Variants in DCDC1 observed in about 807,000 individuals in gnomAD.
DCDC1 encodes the protein doublecortin domain-containing protein 1.
DCDC1 carries 200 observed loss-of-function variants against 178.3 expected under a neutral mutation model. The observed-to-expected ratio is 1.12, with a 90% confidence interval of 1.00 to 1.26. DCDC1 has a LOEUF of 1.26. DCDC1 is among the 50% of genes most tolerant of loss of function. The pLI, the probability that DCDC1 is intolerant of heterozygous loss-of-function variation, is 0.00. For synonymous variants in DCDC1, 690 were observed against 604.8 expected, an observed-to-expected ratio of 1.14 and a Z score of -2.07; for missense variants, 1,983 against 1,749.2, an observed-to-expected ratio of 1.13 and a Z score of -2.38.
intron 10 of DCDC1, among the ~76,000 whole-genome samples, chr11:31,136,880 C>T (rs893283462): frequency 3.3e-5 from 5 of 152,142 alleles, no homozygotes; most frequent in African/African-American, 1.2e-4. Context: ...TATTGTTCCT[C>T]ATTACAATAT....
chr11:31,169,564 C>T (rs1966960415), intron 9 of DCDC1, among the ~76,000 whole-genome samples: 1 of 152,160 alleles, frequency 6.6e-6, no homozygotes, highest in Non-Finnish European at 1.5e-5. Flanking sequence ...CTCATACATG[C>T]TACCTCTTTG....
intron 11 of DCDC1, among the ~76,000 whole-genome samples, chr11:31,123,053 T>C (rs1406089664): frequency 1.3e-5 from 2 of 152,070 alleles, no homozygotes; most frequent in East Asian, 3.9e-4. Context: ...GGTGTCACTA[T>C]ATTCCAGTAA....
At chr11:31,277,778 G>A (rs902656588) in intron 7 of DCDC1, among the ~76,000 whole-genome samples, 3 of 151,926 alleles carry the variant, frequency 2.0e-5, no homozygotes, top group African/African-American at 7.2e-5. Context: ...TCTTACTGTT[G>A]AGGTTTCAGA....
At chr11:31,063,427 A>G (rs749601643) in intron 20 of DCDC1, among the ~76,000 whole-genome samples, 7 of 152,194 alleles carry the variant, frequency 4.6e-5, no homozygotes, top group Non-Finnish European at 8.8e-5. Context: ...CACTATTCAC[A>G]ATAGCAAAGA....
intron 3 of DCDC1, among the ~76,000 whole-genome samples, chr11:31,309,138 A>ATATGTGTGTG (rs1555173319): frequency 3.6e-5 from 2 of 55,410 alleles, no homozygotes; most frequent in African/African-American, 7.4e-5. Flanking sequence ...GGGAAAATAG[A>ATATGTGTGTG]TGTTTGTGTG....
At chr11:31,210,903 C>T (rs1009275592) in intron 9 of DCDC1, among the ~76,000 whole-genome samples, 13 of 152,134 alleles carry the variant, frequency 8.5e-5, no homozygotes, top group African/African-American at 2.7e-4. Flanking sequence ...GAGGCACCTC[C>T]GGATTCTACT....
intron 27 of DCDC1, among the ~76,000 whole-genome samples, chr11:30,914,348 C>T (rs547015677): frequency 6.6e-6 from 1 of 152,360 alleles, no homozygotes; most frequent in East Asian, 1.9e-4. Flanking sequence ...AGGCAGGGCT[C>T]GCTGCTGCCG....
At chr11:30,880,260 T>C (rs1349550778) in intron 37 of DCDC1, among the ~76,000 whole-genome samples, 2 of 152,118 alleles carry the variant, frequency 1.3e-5, no homozygotes, top group African/African-American at 4.8e-5. Flanking sequence ...TGGCACCTCA[T>C]CCATAATGTA....
intron 3 of DCDC1, among the ~76,000 whole-genome samples, chr11:31,325,982 C>T (rs1949623431): frequency 6.6e-6 from 1 of 151,996 alleles, no homozygotes; most frequent in Non-Finnish European, 1.5e-5. Flanking sequence ...CTTAAATTAC[C>T]ATTAGCCTTT....
At chr11:31,000,090 A>T (rs1951489124) in intron 20 of DCDC1, among the ~76,000 whole-genome samples, 1 of 152,204 alleles carries the variant, frequency 6.6e-6, no homozygotes, top group Non-Finnish European at 1.5e-5. Context: ...CCAAGGGATT[A>T]CTGCAGGAAG....
chr11:31,007,942 T>G (rs1328038379), intron 20 of DCDC1, among the ~76,000 whole-genome samples: 1 of 152,086 alleles, frequency 6.6e-6, no homozygotes. Flanking sequence ...GGATTACAGG[T>G]GTGAGCCACC....
chr11:31,010,380 T>C (rs1952101081), intron 20 of DCDC1, among the ~76,000 whole-genome samples: 1 of 152,220 alleles, frequency 6.6e-6, no homozygotes, highest in East Asian at 1.9e-4. Flanking sequence ...CTGAGGACTT[T>C]GATTTCAAGA....
At chr11:31,204,111 T>C (rs1384374299) in intron 9 of DCDC1, among the ~76,000 whole-genome samples, 7 of 152,300 alleles carry the variant, frequency 4.6e-5, no homozygotes, top group South Asian at 2.1e-4. Flanking sequence ...GGTATATGAA[T>C]TGAATGCAGT....
intron 21 of DCDC1, among the ~76,000 whole-genome samples, chr11:30,940,437 A>G (rs1158997167): frequency 6.6e-6 from 1 of 152,062 alleles, no homozygotes; most frequent in African/African-American, 2.4e-5. Context: ...CTTTCCTGCT[A>G]TATAAACCCC....
intron 20 of DCDC1, among the ~76,000 whole-genome samples, chr11:31,013,204 T>G (rs1216204159): frequency 2.0e-5 from 3 of 152,220 alleles, no homozygotes; most frequent in Non-Finnish European, 4.4e-5. Flanking sequence ...TTCTAACATA[T>G]TGTATACCTC....
intron 30 of DCDC1, among the ~76,000 whole-genome samples, chr11:30,905,525 T>G (rs933469749): frequency 1.3e-5 from 2 of 152,166 alleles, no homozygotes; most frequent in Non-Finnish European, 2.9e-5. Flanking sequence ...TTTTTAACTT[T>G]AGGATGATTC....
Position 31,094,134 on chromosome 11 carries a change from ACT to A in DCDC1, c.2032_2033del (p.Ser678PhefsTer5). 2 of 765,988 alleles carry A rather than the reference ACT, an allele frequency of 2.6e-6. No individual in the cohort carries two copies. Among genetic ancestry groups the A allele is most frequent in the South Asian group, 2.7e-5 (2 of 74,612 alleles). 47.4% of individuals were successfully genotyped at this position (765,988 alleles called of 1,614,324 possible). A position where few individuals can be genotyped will look rare whatever the true frequency, so the allele number is the denominator to read the frequency against. Reference protein sequence around the residue: ...LHASVSIGKWSFSGSEASSRS... With the variant: ...LHASVSIGKWXFSGSEASSRS... ...TGCTGCTTGCTTCACTGCCTGAGAA[ACT>A]CCACTTTCCAATGGAAACAGAGGCA... On this transcript the variant is annotated frameshift_variant, in exon 16 of 39. Coordinates refer to ENST00000684477, the MANE Select transcript of DCDC1 (RefSeq NM_001387274.1). LOFTEE classifies it high-confidence loss of function.
chr11:30,964,147 G>A (rs12269777), intron 20 of DCDC1, among the ~76,000 whole-genome samples: 71 of 152,218 alleles, frequency 4.7e-4, no homozygotes, highest in African/African-American at 1.7e-3. Context: ...TTTTTGTAGG[G>A]TACTTGCCTA....
At position 31,328,323 on chromosome 11, in the gene DCDC1, T is replaced by C. The variant is rs11031358; in HGVS notation, c.-6-37A>G. On this transcript the variant is annotated intron_variant, in intron 2 of 38. Transcript: ENST00000684477. Reference sequence around the variant, plus strand: ...AAAGAATGTTATTTAATTTTAAATGTAAAATCCTACTAGATTACAAATAGA... The same window carrying C: ...AAAGAATGTTATTTAATTTTAAATGCAAAATCCTACTAGATTACAAATAGA... 640 of 1,515,878 alleles carry C rather than the reference T, an allele frequency of 4.2e-4. 4 individuals carry two copies. The African/African-American group carries it at 8.3e-3, about 20-fold the overall frequency. The allele number at this position is 1,515,878 out of a possible 1,614,324, so 93.9% of individuals were successfully genotyped here. A position where few individuals can be genotyped will look rare whatever the true frequency, so the allele number is the denominator to read the frequency against.
Sources: gnomAD v4.1 joint callset for allele counts (sites outside exome capture counted in the v4.1 genomes callset) on GRCh38, gnomAD v4.1.1 for gene constraint, MANE v1.5 for transcripts, NCBI Gene and HGNC (gene_info 2026-07-23, HGNC 2026-07-21) for gene names.